The following GGT6 variants were observed in gnomAD, a reference collection of about 807,000 sequenced individuals.
The protein encoded by GGT6 is gamma-glutamyltransferase 6.
A neutral mutation model predicts 17.0 loss-of-function variants in GGT6; 13 were observed. That is an observed-to-expected ratio of 0.77 (90% CI 0.50 to 1.22). The LOEUF (loss-of-function observed/expected upper bound fraction) is 1.22, where lower values mean the gene tolerates loss of function less well. Among genes scored for constraint, GGT6 ranks in the 50% most tolerant of loss-of-function variants. The probability of loss-of-function intolerance (pLI) is 0.00; values close to 1 mark genes in which losing one functional copy is unlikely to be tolerated. For synonymous variants in GGT6, 305 were observed against 297.9 expected (o/e 1.02, Z -0.25); for missense variants, 628 against 643.7 (o/e 0.98, Z 0.26).
Position 4,558,651 on chromosome 17 carries a change from C to A in GGT6, c.864G>T (p.Leu288=). The change falls in exon 4 of 4, where the codon CTG becomes CTT. Residue 288 remains leucine, a synonymous_variant. Coordinates refer to ENST00000381550, the MANE Select transcript of GGT6 (RefSeq NM_001288702.2). Reference sequence around the variant, plus strand: ...GCACAGCCGAGGGCACCTCCACCCCCAGGTCTCCCGCCAGTAGACTCAGTA... The same window carrying A: ...GCACAGCCGAGGGCACCTCCACCCCAAGGTCTCCCGCCAGTAGACTCAGTA... ...DALLSLLAGD[L]GVEVPSAVPR... is the part of the protein sequence containing the mutation. 1 of 1,580,956 alleles carries A rather than the reference C, an allele frequency of 6.3e-7. No homozygotes were observed. The highest frequency in any genetic ancestry group is 1.8e-5 in the Admixed American group (1 of 56,476).
rs1025545788 is a variant in GGT6 at position 4,557,760 on chromosome 17, G to C, written c.*255C>G. On this transcript the variant is annotated 3_prime_UTR_variant, in exon 4 of 4. Transcript: ENST00000381550. ...CCTGCCTCAGCCTCCCAAGCAGCTG[G>C]GACAACAGGCATGTGCCACCGCCCC... 8 of 393,542 alleles carry C rather than the reference G, an allele frequency of 2.0e-5. No individual in the cohort carries two copies. The highest frequency in any genetic ancestry group is 1.4e-4 in the African/African-American group (7 of 49,530). The allele number at this position is 393,542 out of a possible 1,614,324, so 24.4% of individuals were successfully genotyped here. A position where few individuals can be genotyped will look rare whatever the true frequency, so the allele number is the denominator to read the frequency against.
rs372271912 is a variant in GGT6 at position 4,560,515 on chromosome 17, G to C, written c.7C>G (p.Arg3Gly). Residue 3 changes from arginine to glycine, a missense_variant, in exon 1 of 4, where the codon CGG becomes GGG. Coordinates refer to ENST00000381550, the MANE Select transcript of GGT6 (RefSeq NM_001288702.2). ...TGATAGACCACGGGCTCTTCTGCCCGCTCCATGGCCCCCCAGTGCTCGCCC... is the reference window on the plus strand; with the variant it reads ...TGATAGACCACGGGCTCTTCTGCCCCCTCCATGGCCCCCCAGTGCTCGCCC... The part of the protein sequence containing the change: ME[R>G]AEEPVVYQKL... The C allele has an allele frequency of 1.2e-6, 2 of 1,610,272 alleles. No homozygotes were observed. Among genetic ancestry groups the C allele is most frequent in the African/African-American group, 2.7e-5 (2 of 74,932 alleles).
downstream of GGT6, chr17:4,556,806 A>C (rs1395683127): frequency 1.3e-5 from 2 of 152,234 alleles, no homozygotes; most frequent in Non-Finnish European, 2.9e-5. Context: ...GGAAGCTGAA[A>C]GATACCAACC....
Position 4,558,434 on chromosome 17 carries a change from CG to C in GGT6, c.1080del (p.Ala361ProfsTer76). 6.2e-7 allele frequency: 1 copy of C among 1,606,442 alleles called. No individual in the cohort carries two copies. Among genetic ancestry groups the C allele is most frequent in the South Asian group, 1.1e-5 (1 of 91,086 alleles). Reference protein sequence around the residue: ...TAVSPESSALAAVDSSGSVLL... With the variant: ...TAVSPESSALXAVDSSGSVLL... ...AGCACAGAGCCGCTGCTGTCCACGG[CG>C]GCCAGGGCACTGCTCTCGGGGCTCA... On this transcript the variant is annotated frameshift_variant, in exon 4 of 4. Transcript: ENST00000381550. LOFTEE classifies it low-confidence loss of function (END_TRUNC).
Position 4,558,442 on chromosome 17 carries a change from G to T in GGT6, c.1073C>A (p.Ala358Asp). 1.2e-6 allele frequency: 2 copies of T among 1,607,166 alleles called. No homozygotes were observed. The highest frequency in any genetic ancestry group is 1.1e-5 in the South Asian group (1 of 91,072). Residue 358 changes from alanine (A) to aspartate (D), a missense_variant, in exon 4 of 4, where the codon GCC becomes GAC. Coordinates refer to ENST00000381550, the MANE Select transcript of GGT6 (RefSeq NM_001288702.2). The part of the protein sequence containing the change: ...LQTAVSPESS[A>D]LAAVDSSGSV... ...GCCGCTGCTGTCCACGGCGGCCAGG[G>T]CACTGCTCTCGGGGCTCACAGCAGT...
Position 4,558,598 on chromosome 17 carries a change from T to TG in GGT6, c.916dup (p.Gln306ProfsTer37). 1 of 1,563,424 alleles carries TG rather than the reference T, an allele frequency of 6.4e-7. No homozygotes were observed. Among genetic ancestry groups the TG allele is most frequent in the Non-Finnish European group, 8.7e-7 (1 of 1,154,836 alleles). Reference sequence around the variant, plus strand: ...CAGGATGCCCTGGGGCACAGGTAGCTGCTCTGCTGGTTCCAAAGTGGGCCT... The same window carrying TG: ...CAGGATGCCCTGGGGCACAGGTAGCTGGCTCTGCTGGTTCCAAAGTGGGCCT... On this transcript the variant is annotated frameshift_variant, in exon 4 of 4. Transcript: ENST00000381550. LOFTEE classifies it low-confidence loss of function (END_TRUNC).
At chr17:4,560,046 A>T (rs4790203) in intron 1 of GGT6, 549,223 of 571,084 alleles carry the variant, frequency 0.96, 265,039 homozygotes, top group East Asian at 1. Context: ...CAGGCAGGAG[A>T]GAAGGGGCTG....
Position 4,558,459 on chromosome 17 carries a change from C to T in GGT6, c.1056G>A (p.Val352=), listed in dbSNP as rs762042099. 2 of 1,608,116 alleles carry T rather than the reference C, an allele frequency of 1.2e-6. No individual in the cohort carries two copies. Residue 352 remains valine (V), a synonymous_variant, in exon 4 of 4, where the codon GTG becomes GTA. Transcript: ENST00000381550. The stretch of plus-strand genomic sequence containing the variant: ...CGGCCAGGGCACTGCTCTCGGGGCT[C>T]ACAGCAGTCTGCAGGAACGGTGGGC... ...DPCPPFLQTA[V]SPESSALAAV...
At position 4,557,946 on chromosome 17, in the gene GGT6, T is replaced by G; in HGVS notation, c.*69A>C. The G allele has an allele frequency of 9.6e-7, 1 of 1,042,416 alleles. No homozygotes were observed. The highest frequency in any genetic ancestry group is 1.4e-6 in the Non-Finnish European group (1 of 732,554). 64.6% of individuals were successfully genotyped at this position (1,042,416 alleles called of 1,614,324 possible). On this transcript the variant is annotated 3_prime_UTR_variant, in exon 4 of 4. Transcript: ENST00000381550. ...CTGCGGGTGCACACTCCATTGCTGC[T>G]GTGTCTGCTCTGCTCCTGCCCCCAT...
In GGT6 at chr17:4,558,492, AG is replaced by A. The variant is rs1908344746; in HGVS notation, c.1022del (p.Pro341LeufsTer12). 6.2e-7 allele frequency: 1 copy of A among 1,606,718 alleles called. No individual in the cohort carries two copies. Among genetic ancestry groups the A allele is most frequent in the Non-Finnish European group, 8.5e-7 (1 of 1,177,804 alleles). ...EAALRSGAPI[P>X]DPCPPFLQTA... ...TCTGCAGGAACGGTGGGCAGGGGTC[AG>A]GGATGGGCGCCCCGGAGCGCAGGGC... is the stretch of plus-strand genomic sequence containing the variant. On this transcript the variant is annotated frameshift_variant, in exon 4 of 4. Transcript: ENST00000381550. LOFTEE classifies it low-confidence loss of function (END_TRUNC).
rs1211088536 is a variant in GGT6 at position 4,558,594 on chromosome 17, T to G, written c.921A>C (p.Leu307=). 2 of 1,563,820 alleles carry G rather than the reference T, an allele frequency of 1.3e-6. No homozygotes were observed. The highest frequency in any genetic ancestry group is 1.7e-6 in the Non-Finnish European group (2 of 1,155,064). The part of the protein sequence containing the change: ...PRPTLEPAEQ[L]PVPQGILFTT... ...TGAACAGGATGCCCTGGGGCACAGG[T>G]AGCTGCTCTGCTGGTTCCAAAGTGG... is the stretch of plus-strand genomic sequence containing the variant. Residue 307 remains leucine (L), a synonymous_variant, in exon 4 of 4, where the codon CTA becomes CTC. Coordinates refer to ENST00000381550, the MANE Select transcript of GGT6 (RefSeq NM_001288702.2).
Position 4,557,586 on chromosome 17 carries a change from A to G in GGT6, c.*429T>C, listed in dbSNP as rs952486084. On this transcript the variant is annotated 3_prime_UTR_variant, in exon 4 of 4. Coordinates refer to ENST00000381550, the MANE Select transcript of GGT6 (RefSeq NM_001288702.2). ...TGCCTTGGCCTCCCAAAGTGCTGGG[A>G]TTACAGGCATGAGCCACCGCACCCA... The G allele has an allele frequency of 2.6e-5, 4 of 152,576 alleles. No individual in the cohort carries two copies. Among genetic ancestry groups the G allele is most frequent in the African/African-American group, 4.8e-5 (2 of 41,422 alleles). 9.5% of individuals were successfully genotyped at this position (152,576 alleles called of 1,614,324 possible).
Position 4,560,523 on chromosome 17 carries a change from G to GC in GGT6, c.-3dup, listed in dbSNP as rs1462773726. The GC allele has an allele frequency of 1.9e-6, 3 of 1,609,186 alleles. No homozygotes were observed. The highest frequency in any genetic ancestry group is 2.5e-6 in the Non-Finnish European group (3 of 1,179,926). On this transcript the variant is annotated 5_prime_UTR_variant, in exon 1 of 4. Coordinates refer to ENST00000381550, the MANE Select transcript of GGT6 (RefSeq NM_001288702.2). ...CACGGGCTCTTCTGCCCGCTCCATGGCCCCCCAGTGCTCGCCCCAGCCCTC... is the reference window on the plus strand; with the variant it reads ...CACGGGCTCTTCTGCCCGCTCCATGGCCCCCCCAGTGCTCGCCCCAGCCCTC...
Position 4,558,442 on chromosome 17 carries a change from G to A in GGT6, c.1073C>T (p.Ala358Val), listed in dbSNP as rs747151521. ...LQTAVSPESS[A>V]LAAVDSSGSV... ...GCCGCTGCTGTCCACGGCGGCCAGG[G>A]CACTGCTCTCGGGGCTCACAGCAGT... Residue 358 changes from alanine (A) to valine (V), a missense_variant, in exon 4 of 4, where the codon GCC becomes GTC. Transcript: ENST00000381550. The A allele has an allele frequency of 1.2e-6, 2 of 1,607,164 alleles. No individual in the cohort carries two copies. Among genetic ancestry groups the A allele is most frequent in the South Asian group, 1.1e-5 (1 of 91,072 alleles).
In GGT6 at chr17:4,558,983, T is replaced by G; in HGVS notation, c.532A>C (p.Thr178Pro). The change falls in exon 4 of 4, where the codon ACC (threonine) becomes CCC (proline). Residue 178 changes from threonine (T) to proline (P), a missense_variant. Thr to Pro is a conservative substitution (Grantham distance 38). Transcript: ENST00000381550. ...GGCAGCCCCAGGCCGGGGGCCAGGG[T>G]CTGTGCTGGGCCTGATGTCAGGGCC... ...STALTSGPAQ[T>P]LAPGLGLPAA... 1 of 1,544,132 alleles carries G rather than the reference T, an allele frequency of 6.5e-7. No individual in the cohort carries two copies. The highest frequency in any genetic ancestry group is 8.7e-7 in the Non-Finnish European group (1 of 1,146,748).
rs950233152 is a variant in GGT6 at position 4,559,452 on chromosome 17, T to C, written c.348A>G (p.Thr116=). 12 of 1,553,904 alleles carry C rather than the reference T, an allele frequency of 7.7e-6. No individual in the cohort carries two copies. Among genetic ancestry groups the C allele is most frequent in the African/African-American group, 1.4e-5 (1 of 73,160 alleles). The change falls in exon 3 of 4, where the codon ACA becomes ACG. Residue 116 remains threonine (T), a synonymous_variant. Transcript: ENST00000381550. ...HHGAIISPAA[T]CSHLGRELLV... is the part of the protein sequence containing the mutation. Reference sequence around the variant, plus strand: ...GCAGCTCTCGGCCTAGGTGGGAGCATGTGGCTGCAGCAAGGAAGGCACTGT... The same window carrying C: ...GCAGCTCTCGGCCTAGGTGGGAGCACGTGGCTGCAGCAAGGAAGGCACTGT...
In GGT6 at chr17:4,560,468, T is replaced by C. The variant is rs755477645; in HGVS notation, c.54A>G (p.Pro18=). Reference sequence around the variant, plus strand: ...CCACTTCCTCCTCCGACTCCAAGCTTGGCTCCCAGGGCAGCAGCTTCTGAT... The same window carrying C: ...CCACTTCCTCCTCCGACTCCAAGCTCGGCTCCCAGGGCAGCAGCTTCTGAT... ...VVYQKLLPWE[P]SLESEEEVEE... is the part of the protein sequence containing the mutation. The change falls in exon 1 of 4, where the codon CCA becomes CCG. Residue 18 remains proline, a synonymous_variant. Transcript: ENST00000381550. 1 of 1,613,904 alleles carries C rather than the reference T, an allele frequency of 6.2e-7. No individual in the cohort carries two copies. The highest frequency in any genetic ancestry group is 1.1e-5 in the South Asian group (1 of 91,082).
At position 4,559,717 on chromosome 17, in the gene GGT6, C is replaced by A. The variant is rs1237661340; in HGVS notation, c.184G>T (p.Ala62Ser). The A allele has an allele frequency of 3.7e-6, 6 of 1,612,326 alleles. No individual in the cohort carries two copies. Among genetic ancestry groups the A allele is most frequent in the Non-Finnish European group, 4.2e-6 (5 of 1,179,996 alleles). ...CCAACAGCCAGCAGCAGCAGGGCTG[C>A]CACTACACGGGCCCAGGTTCCGGGC... ...GLPGTWARVV[A>S]ALLLLAVGCS... is the part of the protein sequence containing the mutation. The change falls in exon 2 of 4, where the codon GCA becomes TCA. Residue 62 changes from alanine (A) to serine (S), a missense_variant. Ala to Ser is a moderately conservative substitution (Grantham distance 99). Transcript: ENST00000381550.
rs1235438949 is a variant in GGT6, at chr17:4,557,183, G to A, written c.*832C>T. The A allele has an allele frequency of 6.6e-6, 1 of 152,208 alleles. No individual in the cohort carries two copies. The highest frequency in any genetic ancestry group is 1.5e-5 in the Non-Finnish European group (1 of 68,036). 9.4% of individuals were successfully genotyped at this position (152,208 alleles called of 1,614,324 possible). ...CCTGATTTTCTTAGCTGATAAAATA[G>A]CTAGAGATTCCATCCGGTGTGGGTG... is the stretch of plus-strand genomic sequence containing the variant. On this transcript the variant is annotated 3_prime_UTR_variant, in exon 4 of 4. Coordinates refer to ENST00000381550, the MANE Select transcript of GGT6 (RefSeq NM_001288702.2).
Sources: gnomAD v4.1 joint callset for allele counts on GRCh38, gnomAD v4.1.1 for gene constraint, MANE v1.5 for transcripts, NCBI Gene and HGNC (gene_info 2026-07-23, HGNC 2026-07-21) for gene names.